FMN2: variants seen among roughly 807,000 people sequenced by gnomAD.
FMN2 encodes formin 2, also known as formin-2.
FMN2 carries 51 observed loss-of-function variants against 142.3 expected under a neutral mutation model. The observed-to-expected ratio is 0.36, with a 90% CI of 0.29 to 0.45. FMN2 has a LOEUF of 0.45. Ranked by LOEUF, FMN2 falls within the 20% of genes least tolerant of loss-of-function variation. FMN2 has a pLI of 1.00. For synonymous variants in FMN2, 882 were observed against 869.8 expected (o/e 1.01, Z -0.25); for missense variants, 1,936 against 2,122.8 (o/e 0.91, Z 1.73).
intron 16 of FMN2, among the ~76,000 whole-genome samples, chr1:240,442,278 G>A (rs1572319698): frequency 6.6e-6 from 1 of 152,302 alleles, no homozygotes; most frequent in African/African-American, 2.4e-5. Flanking sequence ...GGAGGACAGA[G>A]CAGTTTCCAT....
intron 1 of FMN2, among the ~76,000 whole-genome samples, chr1:240,095,226 G>A (rs984303426): frequency 9.2e-5 from 14 of 152,084 alleles, no homozygotes; most frequent in African/African-American, 2.9e-4. Context: ...TGACATTCAC[G>A]TATATAGTTT....
chr1:240,261,302 A>G (rs1668619678), intron 7 of FMN2, among the ~76,000 whole-genome samples: 1 of 150,778 alleles, frequency 6.6e-6, no homozygotes, highest in Admixed American at 6.6e-5. Context: ...CACGCAGCTC[A>G]TTAATGAAAT....
intron 14 of FMN2, among the ~76,000 whole-genome samples, chr1:240,387,426 ATTATC>A (rs1315082979): frequency 1.3e-5 from 2 of 152,210 alleles, no homozygotes; most frequent in Admixed American, 6.5e-5. Flanking sequence ...CACATGAAGT[ATTATC>A]TTATCCCTTG....
intron 6 of FMN2, among the ~76,000 whole-genome samples, chr1:240,229,072 A>ATTTGCTGTG (rs1667446081): frequency 6.6e-6 from 1 of 151,842 alleles, no homozygotes; most frequent in Non-Finnish European, 1.5e-5. Flanking sequence ...CCAGAGACAG[A>ATTTGCTGTG]TTTGCTGTGT....
intron 7 of FMN2, 70 bp downstream of exon 7, chr1:240,258,102 T>C (rs1297415178): frequency 6.7e-6 from 8 of 1,197,028 alleles, no homozygotes; most frequent in Admixed American, 3.9e-5. Context: ...TGTTTGTTGG[T>C]AATGTTATTT....
intron 1 of FMN2, among the ~76,000 whole-genome samples, chr1:240,118,106 G>A (rs533052919): frequency 1.3e-4 from 20 of 152,138 alleles, no homozygotes; most frequent in Admixed American, 1.2e-3. Flanking sequence ...GTTTGAGGAG[G>A]AGAAGGCCAG....
chr1:240,385,965 T>C (rs1245434212), intron 14 of FMN2, among the ~76,000 whole-genome samples: 1 of 152,204 alleles, frequency 6.6e-6, no homozygotes, highest in Non-Finnish European at 1.5e-5. Flanking sequence ...AAAAGTCAGG[T>C]TGACATTTTA....
intron 7 of FMN2, among the ~76,000 whole-genome samples, chr1:240,269,465 A>T (rs61829190): frequency 6.6e-6 from 1 of 151,714 alleles, no homozygotes; most frequent in Non-Finnish European, 1.5e-5. Flanking sequence ...TATATTTTCA[A>T]ATCTGGTTGT....
intron 2 of FMN2, among the ~76,000 whole-genome samples, chr1:240,176,902 G>A (rs1664941734): frequency 6.6e-6 from 1 of 152,276 alleles, no homozygotes; most frequent in South Asian, 2.1e-4. Flanking sequence ...TCTATACATT[G>A]TATCTTCCTG....
At chr1:240,095,081 T>TA (rs935077299) in intron 1 of FMN2, among the ~76,000 whole-genome samples, 2 of 152,160 alleles carry the variant, frequency 1.3e-5, no homozygotes, top group Admixed American at 6.5e-5. Flanking sequence ...AGATAAATTG[T>TA]AAAAAAACAA....
intron 16 of FMN2, among the ~76,000 whole-genome samples, chr1:240,447,539 A>G (rs549578987): frequency 5.4e-4 from 82 of 152,352 alleles, no homozygotes; most frequent in Non-Finnish European, 8.4e-4. Flanking sequence ...CACAGACAGT[A>G]ACAAGTGTTG....
intron 14 of FMN2, among the ~76,000 whole-genome samples, chr1:240,371,048 C>T (rs997226293): frequency 4.6e-5 from 7 of 152,280 alleles, no homozygotes; most frequent in Admixed American, 2.6e-4. Context: ...AGGCAATTCT[C>T]CTGCCTCAGC....
rs3047192 is a variant in FMN2, at chr1:240,154,129, A to AAAAAAAAAAAAAAAAG, written c.1783-23790_1783-23789insAAAAAAAAAAAAAGAA. 1.1e-4 allele frequency among the ~76,000 whole-genome samples: 11 copies of AAAAAAAAAAAAAAAAG among 102,202 alleles called. 1 individual carries two copies. The highest frequency in any genetic ancestry group is 2.0e-4 in the Non-Finnish European group (10 of 51,174). The allele number at this position is 102,202 out of a possible 152,430, so 67.0% of individuals were successfully genotyped here. ...CATCAAAAAAAAAAAAAAAAAAAAAAAAGTGTTACTACCTACAAGGCCTAC... is the reference window on the plus strand; with the variant it reads ...CATCAAAAAAAAAAAAAAAAAAAAAAAAAAAAAAAAAAAAAGAAGTGTTACTACCTACAAGGCCTAC... On this transcript the variant is annotated intron_variant, in intron 2 of 17. Transcript: ENST00000319653.
At chr1:240,351,800 A>G (rs923560437) in intron 13 of FMN2, among the ~76,000 whole-genome samples, 4 of 152,072 alleles carry the variant, frequency 2.6e-5, no homozygotes, top group African/African-American at 9.7e-5. Context: ...GACCCAGTAG[A>G]TGATTCTGGA....
At chr1:240,146,123 C>A (rs1663458238) in intron 2 of FMN2, among the ~76,000 whole-genome samples, 1 of 151,658 alleles carries the variant, frequency 6.6e-6, no homozygotes, top group Non-Finnish European at 1.5e-5. Flanking sequence ...GTGGATCACA[C>A]CTGTAATCCC....
intron 1 of FMN2, among the ~76,000 whole-genome samples, chr1:240,104,705 C>T (rs749888279): frequency 2.6e-5 from 4 of 152,116 alleles, no homozygotes; most frequent in Non-Finnish European, 4.4e-5. Context: ...AAAAAATCTA[C>T]GAACTTTTCT....
intron 15 of FMN2, among the ~76,000 whole-genome samples, chr1:240,430,990 A>AAAAAC (rs979541935): frequency 6.6e-5 from 10 of 151,882 alleles, no homozygotes; most frequent in African/African-American, 2.4e-4. Context: ...TTTAAAAAAA[A>AAAAAC]AAAAAACTCT....
At chr1:240,179,062 T>G (rs1260919524) in intron 3 of FMN2, among the ~76,000 whole-genome samples, 1 of 152,192 alleles carries the variant, frequency 6.6e-6, no homozygotes, top group Admixed American at 6.5e-5. Context: ...CTAACAACTG[T>G]ATTCAGTTTT....
At chr1:240,317,833 C>T (rs1454953216) in intron 8 of FMN2, among the ~76,000 whole-genome samples, 1 of 152,104 alleles carries the variant, frequency 6.6e-6, no homozygotes, top group Non-Finnish European at 1.5e-5. Flanking sequence ...AACTGTTTTC[C>T]AGAATGGTAG....
Sources: gnomAD v4.1 joint callset for allele counts (sites outside exome capture counted in the v4.1 genomes callset) on GRCh38, gnomAD v4.1.1 for gene constraint, MANE v1.5 for transcripts, NCBI Gene and HGNC (gene_info 2026-07-23, HGNC 2026-07-21) for gene names.